SUMF1: variants seen among roughly 807,000 people sequenced by gnomAD.
SUMF1 encodes sulfatase modifying factor 1, also known as formylglycine-generating enzyme.
In SUMF1, 48 loss-of-function variants were observed where a neutral mutation model predicts 47.6. The observed-to-expected ratio is 1.01, with a 90% CI of 0.80 to 1.28. The LOEUF is 1.28. Ranked by LOEUF, SUMF1 falls within the 50% of genes most tolerant of loss-of-function variation. The pLI, the probability that SUMF1 is intolerant of heterozygous loss-of-function variation, is 0.00. For missense variants in SUMF1, 571 were observed against 485.4 expected, an observed-to-expected ratio of 1.18 and a Z score of -1.66; for synonymous variants, 230 against 192.1, an observed-to-expected ratio of 1.20 and a Z score of -1.63.
At chr3:4,181,225 G>A (rs748534047) in intron 8 of SUMF1, among the ~76,000 whole-genome samples, 29 of 152,088 alleles carry the variant, frequency 1.9e-4, no homozygotes, top group Non-Finnish European at 3.7e-4. Flanking sequence ...CCTTCGCTCT[G>A]TTGTCAGTTA....
At chr3:4,308,255 G>C (rs1698268778) in intron 8 of SUMF1, among the ~76,000 whole-genome samples, 1 of 152,182 alleles carries the variant, frequency 6.6e-6, no homozygotes, top group Non-Finnish European at 1.5e-5. Context: ...AACCTGGAAA[G>C]TTTAACTCCA....
At chr3:4,368,508 A>C (rs1361825128) in intron 8 of SUMF1, among the ~76,000 whole-genome samples, 1 of 152,074 alleles carries the variant, frequency 6.6e-6, no homozygotes, top group Non-Finnish European at 1.5e-5. Flanking sequence ...AAGGACTATA[A>C]ATCATGCTGC....
At chr3:4,449,181 G>A in intron 3 of SUMF1, 85 bp downstream of exon 3, 1 of 1,406,352 alleles carries the variant, frequency 7.1e-7, no homozygotes, top group South Asian at 1.2e-5. Context: ...GGAGAGGAAG[G>A]TGACACATGT....
intron 8 of SUMF1, among the ~76,000 whole-genome samples, chr3:4,273,705 GGGAGGATACGGGA>G: frequency 3.8e-5 from 4 of 105,614 alleles, no homozygotes; most frequent in East Asian, 2.9e-4. Flanking sequence ...GGATACGGGA[GGGAGGATACGGGA>G]GGGAGGATAC....
intron 8 of SUMF1, among the ~76,000 whole-genome samples, chr3:4,278,493 C>G (rs370223170): frequency 6.6e-6 from 1 of 152,154 alleles, no homozygotes; most frequent in African/African-American, 2.4e-5. Context: ...TTGCTTAATT[C>G]TGAGCAAAAT....
intron 8 of SUMF1, among the ~76,000 whole-genome samples, chr3:4,088,831 C>A (rs1209335921): frequency 6.6e-6 from 1 of 152,070 alleles, no homozygotes; most frequent in Non-Finnish European, 1.5e-5. Context: ...TATGTGTAAG[C>A]TCTTTAATTC....
At chr3:4,272,685 C>G (rs577687833) in intron 8 of SUMF1, among the ~76,000 whole-genome samples, 193 of 152,224 alleles carry the variant, frequency 1.3e-3, no homozygotes, top group Middle Eastern at 3.4e-3. Flanking sequence ...AAAAGTGTAA[C>G]TAATCTTGCA....
At chr3:4,219,607 C>T (rs1696016988) in intron 8 of SUMF1, among the ~76,000 whole-genome samples, 1 of 152,196 alleles carries the variant, frequency 6.6e-6, no homozygotes, top group African/African-American at 2.4e-5. Context: ...TCCTCACCCT[C>T]TGGCCTGCCA....
intron 8 of SUMF1, among the ~76,000 whole-genome samples, chr3:4,320,103 T>C (rs1698795767): frequency 6.6e-6 from 1 of 152,194 alleles, no homozygotes; most frequent in Admixed American, 6.6e-5. Flanking sequence ...TGTGAAAACA[T>C]ATAGAACTTT....
intron 9 of SUMF1, among the ~76,000 whole-genome samples, chr3:4,048,416 C>T (rs1348501845): frequency 6.6e-6 from 1 of 152,162 alleles, no homozygotes. Flanking sequence ...ATGCCTTGAG[C>T]AGAGTCTTAT....
intron 8 of SUMF1, among the ~76,000 whole-genome samples, chr3:4,190,710 T>A (rs941689287): frequency 5.9e-5 from 9 of 152,206 alleles, no homozygotes; most frequent in African/African-American, 2.2e-4. Context: ...CAAATTTAAT[T>A]CAATATTACT....
At chr3:4,107,667 T>C (rs1693189587) in intron 8 of SUMF1, among the ~76,000 whole-genome samples, 1 of 152,142 alleles carries the variant, frequency 6.6e-6, no homozygotes, top group South Asian at 2.1e-4. Flanking sequence ...AGCGCAAATA[T>C]CAGGGCCTAG....
intron 8 of SUMF1, among the ~76,000 whole-genome samples, chr3:4,081,165 G>A (rs1431591376): frequency 2.6e-5 from 4 of 152,094 alleles, no homozygotes; most frequent in Non-Finnish European, 4.4e-5. Flanking sequence ...AAAGTTCAGA[G>A]AAGAGCTGTT....
At chr3:4,224,348 A>C (rs1696129914) in intron 8 of SUMF1, among the ~76,000 whole-genome samples, 1 of 152,128 alleles carries the variant, frequency 6.6e-6, no homozygotes, top group South Asian at 2.1e-4. Flanking sequence ...TGTAATGAGT[A>C]ACTGTTTTTT....
At position 4,458,438 on chromosome 3, in the gene SUMF1, T is replaced by C. The variant is rs545867942; in HGVS notation, c.271-5389A>G. ...AAAAATATCTACACTCCCAAATTCA[T>C]GGCAGCATTATTCACAATAGCTAAG... On this transcript the variant is annotated intron_variant, in intron 1 of 8. Coordinates refer to ENST00000272902, the MANE Select transcript of SUMF1 (RefSeq NM_182760.4). Among the ~76,000 whole-genome samples the C allele has an allele frequency of 2.0e-5, 3 of 152,308 alleles. No homozygotes were observed. In the East Asian group the frequency reaches 5.8e-4, roughly 29 times the overall value.
intron 8 of SUMF1, among the ~76,000 whole-genome samples, chr3:4,350,342 T>TGC (rs1699471161): frequency 6.8e-6 from 1 of 147,372 alleles, no homozygotes; most frequent in Non-Finnish European, 1.5e-5. Context: ...CGTGTGTGTG[T>TGC]GTGTGTGTGT....
At chr3:4,466,869 T>C in intron 1 of SUMF1, 107 bp downstream of exon 1, 2 of 1,478,964 alleles carry the variant, frequency 1.4e-6, no homozygotes, top group Non-Finnish European at 1.8e-6. Context: ...ATTTGGGGTG[T>C]GGTTATAACC....
At chr3:4,431,993 C>G (rs1365621824) in intron 3 of SUMF1, among the ~76,000 whole-genome samples, 1 of 152,056 alleles carries the variant, frequency 6.6e-6, no homozygotes, top group African/African-American at 2.4e-5. Context: ...ATCATTCTAA[C>G]AGAGTTCCCA....
chr3:4,451,092 A>G (rs1298084688), intron 2 of SUMF1, among the ~76,000 whole-genome samples: 2 of 114,276 alleles, frequency 1.8e-5, no homozygotes, highest in Non-Finnish European at 1.8e-5. Context: ...AATCAATAAA[A>G]AAATAAAATA....
Sources: allele counts gnomAD v4.1 joint callset (sites outside exome capture counted in the v4.1 genomes callset), GRCh38; gene constraint gnomAD v4.1.1; transcripts MANE v1.5; gene names NCBI Gene and HGNC (gene_info 2026-07-23, HGNC 2026-07-21).